Variants in IGDCC3 observed in about 807,000 individuals in gnomAD.
IGDCC3 encodes the protein putative neuronal cell adhesion molecule.
IGDCC3 carries 47 observed loss-of-function variants against 72.0 expected under a neutral mutation model. That is an observed-to-expected ratio of 0.65 (90% CI 0.52 to 0.83). IGDCC3 has a LOEUF of 0.83. Among genes scored for constraint, IGDCC3 ranks in the 40% least tolerant of loss-of-function variants. IGDCC3 has a pLI of 0.00. For missense variants in IGDCC3, 1,038 were observed against 1,091.3 expected (o/e 0.95, Z 0.69); for synonymous variants, 477 against 472.8 (o/e 1.01, Z -0.11).
Position 65,330,380 on chromosome 15 carries a change from C to T in IGDCC3, c.1771G>A (p.Glu591Lys). The change falls in exon 11 of 14, where the codon GAG becomes AAG. Residue 591 changes from glutamate to lysine, a missense_variant. By Grantham distance (56) the Glu-to-Lys change is moderately conservative (BLOSUM62 1). Transcript: ENST00000327987. ...TGGTTGTAGGCGAGCAGCTTCACCT[C>T]ATACACTGCAGTGGGGTCTGGAGGA... ...LSQLDPTAVY[E>K]VKLLAYNQHG... The T allele has an allele frequency of 6.2e-7, 1 of 1,613,862 alleles. No homozygotes were observed. The highest frequency in any genetic ancestry group is 8.5e-7 in the Non-Finnish European group (1 of 1,179,822).
chr15:65,374,339 T>G (rs922635917), intron 2 of IGDCC3, among the ~76,000 whole-genome samples: 1 of 152,174 alleles, frequency 6.6e-6, no homozygotes, highest in East Asian at 1.9e-4. Flanking sequence ...TTTTGGTTTA[T>G]GCAACACACT....
chr15:65,338,929 A>G (rs1258376699), intron 2 of IGDCC3, among the ~76,000 whole-genome samples: 3 of 151,536 alleles, frequency 2.0e-5, no homozygotes, highest in South Asian at 2.1e-4. Context: ...TTGAGACAGG[A>G]TCTCACACTG....
At chr15:65,330,793 T>TATCG in intron 9 of IGDCC3, 52 bp from the exon 10 acceptor site, 1 of 1,441,092 alleles carries the variant, frequency 6.9e-7, no homozygotes, top group Non-Finnish European at 9.5e-7. Flanking sequence ...AAGCTCTATC[T>TATCG]TTCTACCTTC....
chr15:65,366,293 C>T (rs2140168072), intron 2 of IGDCC3, among the ~76,000 whole-genome samples: 1 of 151,654 alleles, frequency 6.6e-6, no homozygotes, highest in Non-Finnish European at 1.5e-5. Flanking sequence ...GTTGGAGGAT[C>T]TCTTGAGCCC....
chr15:65,333,154 C>T, intron 6 of IGDCC3, 103 bp downstream of exon 6: 1 of 1,197,460 alleles, frequency 8.4e-7, no homozygotes, highest in Non-Finnish European at 1.1e-6. Flanking sequence ...AGGGCGAGTC[C>T]AGGAGACTGG....
chr15:65,377,559 C>G lies in IGDCC3; in HGVS notation c.103+127G>C. On this transcript the variant is annotated intron_variant, in intron 1 of 13. Transcript: ENST00000327987. This position sits in a 1 kb window ranked among gnomAD's most constrained non-coding sequence, Gnocchi z 4.9. ...CCCCGTCCGGATCCGCAGGGTCCCC[C>G]CCGCGCGGGGTCCGCCCTCAGGTCC... The G allele has an allele frequency of 1.0e-6, 1 of 984,546 alleles. No homozygotes were observed. The highest frequency in any genetic ancestry group is 1.3e-6 in the Non-Finnish European group (1 of 760,356). 61.0% of individuals were successfully genotyped at this position (984,546 alleles called of 1,614,324 possible).
At position 65,335,873 on chromosome 15, in the gene IGDCC3, G is replaced by C; in HGVS notation, c.493C>G (p.Leu165Val). ...TCCCAAGTGATCAGGGGTTTGGGAA[G>C]CCCATGGATTTGGCACTGGAAGCGG... ...VARFQCQIHG[L>V]PKPLITWEKN... Residue 165 changes from leucine (L) to valine (V), a missense_variant, in exon 3 of 14, where the codon CTT becomes GTT. Coordinates refer to ENST00000327987, the MANE Select transcript of IGDCC3 (RefSeq NM_004884.4). The C allele has an allele frequency of 6.2e-7, 1 of 1,614,212 alleles. No homozygotes were observed. The highest frequency in any genetic ancestry group is 8.5e-7 in the Non-Finnish European group (1 of 1,180,006).
intron 2 of IGDCC3, among the ~76,000 whole-genome samples, chr15:65,361,537 C>T (rs371571699): frequency 7.2e-5 from 11 of 152,224 alleles, no homozygotes; most frequent in Non-Finnish European, 1.5e-4. Flanking sequence ...CATTGTTCCC[C>T]CTCTCAGACC....
intron 2 of IGDCC3, among the ~76,000 whole-genome samples, chr15:65,347,139 G>A (rs1021600784): frequency 6.6e-6 from 1 of 152,186 alleles, no homozygotes; most frequent in Non-Finnish European, 1.5e-5. Flanking sequence ...TCACCTCCCG[G>A]AAGGGTGTCT....
At chr15:65,334,628 G>T (rs1268731299) in intron 5 of IGDCC3, 100 bp downstream of exon 5, 6 of 1,086,502 alleles carry the variant, frequency 5.5e-6, no homozygotes, top group Non-Finnish European at 5.1e-6. Context: ...GAACAAACAG[G>T]ATTCCACATT....
intron 2 of IGDCC3, among the ~76,000 whole-genome samples, chr15:65,357,584 G>A (rs1304956189): frequency 1.3e-5 from 2 of 152,204 alleles, no homozygotes; most frequent in Non-Finnish European, 1.5e-5. Flanking sequence ...CAAACGAGCA[G>A]GAGCCAAGTT....
intron 2 of IGDCC3, among the ~76,000 whole-genome samples, chr15:65,337,055 T>TGCTCCTGGCTCCC (rs2091036177): frequency 6.6e-6 from 1 of 152,134 alleles, no homozygotes; most frequent in African/African-American, 2.4e-5. Flanking sequence ...TCCTGGCTCC[T>TGCTCCTGGCTCCC]GCTCCTGGCT....
intron 2 of IGDCC3, among the ~76,000 whole-genome samples, chr15:65,344,330 C>T (rs1280108107): frequency 6.6e-6 from 1 of 152,164 alleles, no homozygotes; most frequent in Non-Finnish European, 1.5e-5. Context: ...TTCTTGGCCT[C>T]CTCAAGTCCT....
intron 2 of IGDCC3, among the ~76,000 whole-genome samples, chr15:65,341,265 G>C (rs973572351): frequency 1.3e-5 from 2 of 152,216 alleles, no homozygotes; most frequent in African/African-American, 4.8e-5. Context: ...CAAAACCCTT[G>C]TGCAATGTTG....
At position 65,370,506 on chromosome 15, in the gene IGDCC3, C is replaced by CA. The variant is rs201261288; in HGVS notation, c.409+4590dup. ...TGGGTGATAGAGCGAGACTTGGTCT[C>CA]AAAAAAAAAATATATATATATATAT... On this transcript the variant is annotated intron_variant, in intron 2 of 13. Transcript: ENST00000327987. 7.5e-4 allele frequency among the ~76,000 whole-genome samples: 25 copies of CA among 33,130 alleles called. No homozygotes were observed. In the East Asian group the frequency reaches 9.7e-3, roughly 13 times the overall value. 21.7% of individuals were successfully genotyped at this position (33,130 alleles called of 152,430 possible). A position where few individuals can be genotyped will look rare whatever the true frequency, so the allele number is the denominator to read the frequency against.
chr15:65,354,740 C>T (rs921363313), intron 2 of IGDCC3, among the ~76,000 whole-genome samples: 1 of 152,276 alleles, frequency 6.6e-6, no homozygotes, highest in Non-Finnish European at 1.5e-5. Flanking sequence ...CCACATAAGT[C>T]CCCAGCCTGC....
rs756052039 is a variant in IGDCC3, at chr15:65,331,639, AT to A, written c.1168del (p.Ile390SerfsTer26). 1 of 1,608,464 alleles carries A rather than the reference AT, an allele frequency of 6.2e-7. No individual in the cohort carries two copies. The highest frequency in any genetic ancestry group is 1.3e-5 in the African/African-American group (1 of 74,932). ...NNNSTLTISG[I>X]GPEDEAIYQC... ...ATAAATGGCTTCATCCTCAGGACCG[AT>A]TCCAGAAATGGTCAGTGTGCTGCAG... On this transcript the variant is annotated frameshift_variant, in exon 8 of 14. Coordinates refer to ENST00000327987, the MANE Select transcript of IGDCC3 (RefSeq NM_004884.4). LOFTEE classifies it high-confidence loss of function.
At position 65,336,030 on chromosome 15, in the gene IGDCC3, G is replaced by A. The variant is rs528633711; in HGVS notation, c.410-74C>T. The A allele has an allele frequency of 5.1e-5, 77 of 1,499,210 alleles. No individual in the cohort carries two copies. In the African/African-American group the frequency reaches 6.0e-4, roughly 12 times the overall value. 92.9% of individuals were successfully genotyped at this position (1,499,210 alleles called of 1,614,324 possible). A position where few individuals can be genotyped will look rare whatever the true frequency, so the allele number is the denominator to read the frequency against. Reference sequence around the variant, plus strand: ...GTAGGAGAGAATGGGCTGCAGTGGCGTCACAGGCACGGAGACCTGGAGCCC... The same window carrying A: ...GTAGGAGAGAATGGGCTGCAGTGGCATCACAGGCACGGAGACCTGGAGCCC... On this transcript the variant is annotated intron_variant, in intron 2 of 13. Coordinates refer to ENST00000327987, the MANE Select transcript of IGDCC3 (RefSeq NM_004884.4).
chr15:65,343,697 G>A (rs900785629), intron 2 of IGDCC3, among the ~76,000 whole-genome samples: 2 of 152,336 alleles, frequency 1.3e-5, no homozygotes, highest in East Asian at 1.9e-4. Flanking sequence ...CAGACCCACC[G>A]GAGCCACCAG....
Sources: allele counts gnomAD v4.1 joint callset (sites outside exome capture counted in the v4.1 genomes callset), GRCh38; gene constraint gnomAD v4.1.1; non-coding constraint Gnocchi (gnomAD v3.1); transcripts MANE v1.5; gene names NCBI Gene and HGNC (gene_info 2026-07-23, HGNC 2026-07-21).